The following CDH18 variants were observed in gnomAD, a reference collection of about 807,000 sequenced individuals.
The protein encoded by CDH18 is cadherin 18, also known as cadherin-18.
Under a neutral mutation model 67.9 loss-of-function variants are expected in CDH18, and 31 were observed. The ratio of observed to expected loss-of-function variants is 0.46; its 90% confidence interval spans 0.34 to 0.62. CDH18 has a LOEUF of 0.62. CDH18 is among the 20% of genes least tolerant of loss of function. The pLI is 0.01. For synonymous variants in CDH18, 362 were observed against 347.2 expected (o/e 1.04, Z -0.48); for missense variants, 890 against 975.5 (o/e 0.91, Z 1.17).
chr5:20,565,246 T>TA (rs1758433682), intron 1 of CDH18, among the ~76,000 whole-genome samples: 1 of 152,082 alleles, frequency 6.6e-6, no homozygotes, highest in South Asian at 2.1e-4. Flanking sequence ...TTTTTCATTA[T>TA]GGGAACTCAA....
chr5:20,501,408 AT>A (rs984783133), intron 1 of CDH18, among the ~76,000 whole-genome samples: 26 of 140,166 alleles, frequency 1.9e-4, no homozygotes, highest in Non-Finnish European at 2.9e-4. Flanking sequence ...AAATATATAT[AT>A]TTTTATATAC....
At chr5:19,711,967 T>A (rs1764761929) in intron 5 of CDH18, among the ~76,000 whole-genome samples, 1 of 152,068 alleles carries the variant, frequency 6.6e-6, no homozygotes, top group African/African-American at 2.4e-5. Flanking sequence ...CTGTGGAATA[T>A]TACTCAGCAA....
intron 1 of CDH18, among the ~76,000 whole-genome samples, chr5:20,402,924 T>G (rs1745896528): frequency 6.8e-6 from 1 of 147,912 alleles, no homozygotes; most frequent in African/African-American, 2.5e-5. Context: ...AAACAATAAA[T>G]AAATAAAAAG....
chr5:19,758,160 C>G (rs1009825721), intron 3 of CDH18, among the ~76,000 whole-genome samples: 1 of 152,138 alleles, frequency 6.6e-6, no homozygotes, highest in African/African-American at 2.4e-5. Flanking sequence ...TATATATAAC[C>G]ACTTCTATTT....
At chr5:20,402,378 A>G (rs1745846464) in intron 1 of CDH18, among the ~76,000 whole-genome samples, 2 of 152,212 alleles carry the variant, frequency 1.3e-5, no homozygotes, top group Non-Finnish European at 2.9e-5. Flanking sequence ...TAGGCCCTGT[A>G]CCAATGCTTG....
intron 2 of CDH18, among the ~76,000 whole-genome samples, chr5:20,003,500 AT>A (rs1356064828): frequency 6.6e-6 from 1 of 152,122 alleles, no homozygotes; most frequent in Non-Finnish European, 1.5e-5. Flanking sequence ...TTTAAAAAAA[AT>A]GTCCAAAATG....
intron 2 of CDH18, among the ~76,000 whole-genome samples, chr5:20,060,729 T>C (rs1489003061): frequency 2.0e-5 from 3 of 152,130 alleles, no homozygotes; most frequent in Admixed American, 2.0e-4. Flanking sequence ...AAATACAGTA[T>C]TCTACTTAAA....
At chr5:19,479,496 G>A (rs1051547934) in intron 12 of CDH18, among the ~76,000 whole-genome samples, 3 of 152,056 alleles carry the variant, frequency 2.0e-5, no homozygotes, top group Admixed American at 1.3e-4. Context: ...ACGAATCAAT[G>A]CCATGAAAAG....
chr5:20,336,724 C>CAAAAAAAAAAAAAAAAAAAAAAAAA (rs59083214), intron 1 of CDH18, among the ~76,000 whole-genome samples: 2 of 63,480 alleles, frequency 3.2e-5, no homozygotes, highest in Non-Finnish European at 5.6e-5. Context: ...GCCTCTGTCT[C>CAAAAAAAAAAAAAAAAAAAAAAAAA]AAAAAAAAAA....
At chr5:19,823,829 T>C (rs970299744) in intron 3 of CDH18, among the ~76,000 whole-genome samples, 1 of 152,146 alleles carries the variant, frequency 6.6e-6, no homozygotes, top group African/African-American at 2.4e-5. Context: ...TGCTTGGTCA[T>C]AAAGCAAGTC....
chr5:19,990,004 T>C (rs1359945183), upstream of CDH18, among the ~76,000 whole-genome samples: 1 of 152,180 alleles, frequency 6.6e-6, no homozygotes, highest in African/African-American at 2.4e-5. Flanking sequence ...GCGCATTATA[T>C]ATTCTTTATT....
chr5:20,446,412 C>T (rs1750008217), intron 1 of CDH18, among the ~76,000 whole-genome samples: 1 of 152,154 alleles, frequency 6.6e-6, no homozygotes, highest in Middle Eastern at 3.4e-3. Context: ...ACCCACTCCG[C>T]AGGCCAAGGA....
chr5:19,706,533 C>T (rs1763986544), intron 5 of CDH18, among the ~76,000 whole-genome samples: 1 of 152,158 alleles, frequency 6.6e-6, no homozygotes, highest in Non-Finnish European at 1.5e-5. Flanking sequence ...CACACATGTT[C>T]CCTGATTTGG....
chr5:20,197,487 C>T (rs886814311), intron 2 of CDH18, among the ~76,000 whole-genome samples: 2 of 152,164 alleles, frequency 1.3e-5, no homozygotes, highest in African/African-American at 4.8e-5. Context: ...ATGCAAGAAG[C>T]TCAGTCTTCA....
intron 2 of CDH18, among the ~76,000 whole-genome samples, chr5:20,001,750 C>T (rs1736457553): frequency 6.6e-6 from 1 of 152,060 alleles, no homozygotes; most frequent in Non-Finnish European, 1.5e-5. Flanking sequence ...CCAGGCCTTT[C>T]GGTCACTGTA....
At chr5:20,063,300 T>C (rs1351052630) in intron 2 of CDH18, among the ~76,000 whole-genome samples, 1 of 151,790 alleles carries the variant, frequency 6.6e-6, no homozygotes, top group Non-Finnish European at 1.5e-5. Flanking sequence ...TATAAGCCAC[T>C]GTACTATACT....
intron 1 of CDH18, among the ~76,000 whole-genome samples, chr5:20,385,049 C>T (rs941155058): frequency 7.2e-5 from 11 of 152,066 alleles, no homozygotes; most frequent in African/African-American, 2.7e-4. Context: ...GTTGGCCAGG[C>T]TGGTCTCGAG....
intron 1 of CDH18, among the ~76,000 whole-genome samples, chr5:20,507,119 T>G (rs2126468514): frequency 6.6e-6 from 1 of 152,354 alleles, no homozygotes; most frequent in African/African-American, 2.4e-5. Flanking sequence ...GTCAGCCATG[T>G]GAGAGAGATA....
intron 5 of CDH18, among the ~76,000 whole-genome samples, chr5:19,682,048 CT>C (rs1352595026): frequency 6.6e-6 from 1 of 152,018 alleles, no homozygotes; most frequent in East Asian, 1.9e-4. Flanking sequence ...ACTTAGGACA[CT>C]TGATACATAT....
Sources: allele counts gnomAD v4.1 joint callset (sites outside exome capture counted in the v4.1 genomes callset), GRCh38; gene constraint gnomAD v4.1.1; transcripts MANE v1.5; gene names NCBI Gene and HGNC (gene_info 2026-07-23, HGNC 2026-07-21).